The following ADAMTS12 variants were observed in gnomAD, a reference collection of about 807,000 sequenced individuals.
ADAMTS12 encodes ADAM metallopeptidase with thrombospondin type 1 motif 12, also known as A disintegrin and metalloproteinase with thrombospondin motifs 12.
ADAMTS12 carries 118 observed loss-of-function variants against 167.8 expected under a neutral mutation model. The ratio of observed to expected loss-of-function variants is 0.70; its 90% CI spans 0.61 to 0.82. The LOEUF is 0.82. Among genes scored for constraint, ADAMTS12 ranks in the 40% least tolerant of loss-of-function variants. The pLI, the probability that ADAMTS12 is intolerant of heterozygous loss-of-function variation, is 0.00. For missense variants in ADAMTS12, 1,916 were observed against 1,998.8 expected, an observed-to-expected ratio of 0.96 and a Z score of 0.79; for synonymous variants, 704 against 716.9, an observed-to-expected ratio of 0.98 and a Z score of 0.29.
At chr5:33,718,409 C>A (rs1353291566) in intron 3 of ADAMTS12, among the ~76,000 whole-genome samples, 1 of 152,156 alleles carries the variant, frequency 6.6e-6, no homozygotes, top group East Asian at 1.9e-4. Context: ...CTGAGCTCTG[C>A]CTCCTATCAG....
At chr5:33,802,827 A>G (rs1747062922) in intron 2 of ADAMTS12, among the ~76,000 whole-genome samples, 1 of 152,306 alleles carries the variant, frequency 6.6e-6, no homozygotes, top group East Asian at 1.9e-4. Context: ...TTATTAGGCA[A>G]TTTGCACCGG....
In ADAMTS12 at chr5:33,665,372, AAC is replaced by A. The variant is rs370969867; in HGVS notation, c.916-3334_916-3333del. 3.9e-3 allele frequency among the ~76,000 whole-genome samples: 592 copies of A among 152,300 alleles called. 2 individuals carry two copies. The highest frequency in any genetic ancestry group is 0.014 in the African/African-American group (569 of 41,558). ...CTGTACTGTATATTTGAAAATTGCT[AAC>A]AGAGTAGATTTTAAGTAGTCTCATT... On this transcript the variant is annotated intron_variant, in intron 5 of 23. Coordinates refer to ENST00000504830, the MANE Select transcript of ADAMTS12 (RefSeq NM_030955.4).
intron 2 of ADAMTS12, among the ~76,000 whole-genome samples, chr5:33,831,985 G>T (rs1267121663): frequency 2.6e-5 from 4 of 152,150 alleles, no homozygotes; most frequent in African/African-American, 9.7e-5. Flanking sequence ...GATTCACAGG[G>T]TCCCTGCAAG....
At chr5:33,620,091 A>G (rs1292618123) in intron 14 of ADAMTS12, among the ~76,000 whole-genome samples, 1 of 152,366 alleles carries the variant, frequency 6.6e-6, no homozygotes, top group East Asian at 1.9e-4. Flanking sequence ...ATGAAAGATA[A>G]AAAGTTTCAC....
At position 33,700,131 on chromosome 5, in the gene ADAMTS12, A is replaced by T. The variant is rs528403713; in HGVS notation, c.635-16076T>A. ...AATAGTCTACCCACTCTGTTTTAAC[A>T]AACAGTTTGGCAGTATCTTATAAAA... On this transcript the variant is annotated intron_variant, in intron 3 of 23. Transcript: ENST00000504830. 2.0e-5 allele frequency among the ~76,000 whole-genome samples: 3 copies of T among 152,308 alleles called. No homozygotes were observed. In the South Asian group the frequency reaches 6.2e-4, roughly 32 times the overall value.
chr5:33,542,737 A>G (rs988967410), intron 22 of ADAMTS12, among the ~76,000 whole-genome samples: 1 of 152,216 alleles, frequency 6.6e-6, no homozygotes, highest in Admixed American at 6.5e-5. Context: ...CTATATGGAA[A>G]CTGAACAACT....
At chr5:33,873,763 A>C (rs1339239174) in intron 2 of ADAMTS12, among the ~76,000 whole-genome samples, 1 of 152,224 alleles carries the variant, frequency 6.6e-6, no homozygotes, top group Admixed American at 6.5e-5. Context: ...ACATAAATAT[A>C]ATCAACTTAT....
intron 2 of ADAMTS12, among the ~76,000 whole-genome samples, chr5:33,780,462 C>T (rs180889550): frequency 6.6e-6 from 1 of 152,258 alleles, no homozygotes; most frequent in Non-Finnish European, 1.5e-5. Flanking sequence ...CTTCATATGG[C>T]TGCTTTCTTT....
intron 2 of ADAMTS12, among the ~76,000 whole-genome samples, chr5:33,793,010 C>G (rs188844056): frequency 6.6e-6 from 1 of 152,236 alleles, no homozygotes; most frequent in South Asian, 2.1e-4. Flanking sequence ...GCACTGAGTT[C>G]TGGGAACCAG....
intron 2 of ADAMTS12, among the ~76,000 whole-genome samples, chr5:33,790,911 T>C (rs1746539802): frequency 6.6e-6 from 1 of 151,978 alleles, no homozygotes; most frequent in East Asian, 1.9e-4. Context: ...TCCTGTTGCA[T>C]CCCACAGGAG....
intron 3 of ADAMTS12, among the ~76,000 whole-genome samples, chr5:33,684,322 C>A (rs1170401975): frequency 2.0e-5 from 3 of 151,880 alleles, no homozygotes; most frequent in Non-Finnish European, 2.9e-5. Context: ...AAAGACGTAC[C>A]CAACAATGGG....
intron 2 of ADAMTS12, among the ~76,000 whole-genome samples, chr5:33,789,581 T>C (rs900852745): frequency 1.3e-5 from 2 of 152,204 alleles, no homozygotes; most frequent in African/African-American, 2.4e-5. Flanking sequence ...AAATGGCTAG[T>C]GGCTGCGTAG....
chr5:33,761,751 T>C (rs1160291026), intron 2 of ADAMTS12, among the ~76,000 whole-genome samples: 1 of 152,162 alleles, frequency 6.6e-6, no homozygotes, highest in Non-Finnish European at 1.5e-5. Context: ...CACTACCCTA[T>C]AAGGAGAATA....
intron 13 of ADAMTS12, among the ~76,000 whole-genome samples, chr5:33,624,911 T>G (rs1739513033): frequency 6.6e-6 from 1 of 152,246 alleles, no homozygotes; most frequent in African/African-American, 2.4e-5. Flanking sequence ...TGTGTCCAGA[T>G]AGTTTCATTT....
intron 5 of ADAMTS12, among the ~76,000 whole-genome samples, chr5:33,667,626 G>A (rs1741520562): frequency 6.6e-6 from 1 of 152,064 alleles, no homozygotes; most frequent in Admixed American, 6.5e-5. Flanking sequence ...TACCTAGCAT[G>A]GTTCTAAAAC....
At chr5:33,651,161 C>T (rs1011681180) in intron 7 of ADAMTS12, among the ~76,000 whole-genome samples, 1 of 152,174 alleles carries the variant, frequency 6.6e-6, no homozygotes, top group Non-Finnish European at 1.5e-5. Flanking sequence ...CAGGTTTTCC[C>T]TAGCCTGCTA....
intron 19 of ADAMTS12, among the ~76,000 whole-genome samples, chr5:33,573,858 G>A (rs1215198887): frequency 6.6e-6 from 1 of 152,080 alleles, no homozygotes; most frequent in Non-Finnish European, 1.5e-5. Context: ...CTGACAAAGG[G>A]CTAATATCCA....
rs116175365 is a variant in ADAMTS12, at chr5:33,555,616, G to A, written c.4125+5411C>T. Among the ~76,000 whole-genome samples the A allele has an allele frequency of 4.1e-3, 629 of 152,246 alleles. 4 individuals are homozygous for A. The highest frequency in any genetic ancestry group is 0.015 in the African/African-American group (609 of 41,544). ...TACAACTGATATACGTATTAATTGTGTAGTGTTTCATTTCTTTCTGAAAAG... is the reference window on the plus strand; with the variant it reads ...TACAACTGATATACGTATTAATTGTATAGTGTTTCATTTCTTTCTGAAAAG... On this transcript the variant is annotated intron_variant, in intron 20 of 23. Transcript: ENST00000504830.
In ADAMTS12 at chr5:33,578,405, C is replaced by T. The variant is rs560766470; in HGVS notation, c.2866-1245G>A. Among the ~76,000 whole-genome samples the T allele has an allele frequency of 2.6e-5, 4 of 152,244 alleles. No homozygotes were observed. The East Asian group carries it at 7.7e-4, about 29-fold the overall frequency. On this transcript the variant is annotated intron_variant, in intron 18 of 23. Coordinates refer to ENST00000504830, the MANE Select transcript of ADAMTS12 (RefSeq NM_030955.4). ...AGAATAAGCATTAGATTTATTTTTA[C>T]CCCCATCCCCAAACCTAGTGCAACA...
Sources: allele counts gnomAD v4.1 joint callset (sites outside exome capture counted in the v4.1 genomes callset), GRCh38; gene constraint gnomAD v4.1.1; transcripts MANE v1.5; gene names NCBI Gene and HGNC (gene_info 2026-07-23, HGNC 2026-07-21).